The following UNC5D variants were observed in gnomAD, a reference collection of about 807,000 sequenced individuals.
UNC5D encodes the protein netrin receptor UNC5D.
UNC5D carries 39 observed loss-of-function variants against 105.4 expected under a neutral mutation model. That is an observed-to-expected ratio of 0.37 (90% CI 0.29 to 0.48). The LOEUF is 0.48. Among genes scored for constraint, UNC5D ranks in the 20% least tolerant of loss-of-function variants. The pLI is 0.98. For missense variants in UNC5D, 991 were observed against 1,202.4 expected, an observed-to-expected ratio of 0.82 and a Z score of 2.60; for synonymous variants, 452 against 450.4, an observed-to-expected ratio of 1.00 and a Z score of -0.04.
intron 1 of UNC5D, among the ~76,000 whole-genome samples, chr8:35,295,433 A>G (rs1807411017): frequency 6.6e-6 from 1 of 152,202 alleles, no homozygotes. Flanking sequence ...ATTTTTTGAA[A>G]AACATCTGCA....
chr8:35,593,450 ATAAC>A (rs558056070), intron 3 of UNC5D, among the ~76,000 whole-genome samples: 1 of 152,184 alleles, frequency 6.6e-6, no homozygotes, highest in Non-Finnish European at 1.5e-5. Flanking sequence ...GAAAACAAAA[ATAAC>A]AAACAAACCA....
At chr8:35,352,570 T>C (rs982831512) in intron 1 of UNC5D, among the ~76,000 whole-genome samples, 2 of 152,100 alleles carry the variant, frequency 1.3e-5, no homozygotes, top group African/African-American at 4.8e-5. Context: ...GAAGACATCT[T>C]TGTTCTGTAA....
intron 1 of UNC5D, among the ~76,000 whole-genome samples, chr8:35,400,895 A>G (rs1263085164): frequency 6.6e-6 from 1 of 152,152 alleles, no homozygotes; most frequent in Non-Finnish European, 1.5e-5. Context: ...GCACGTGTAC[A>G]GTGGAGGGGG....
intron 12 of UNC5D, among the ~76,000 whole-genome samples, chr8:35,749,626 G>A (rs753590605): frequency 1.3e-5 from 2 of 152,106 alleles, no homozygotes; most frequent in Non-Finnish European, 2.9e-5. Flanking sequence ...TATTTAGTGC[G>A]TTTTAGTGCA....
chr8:35,452,453 A>G (rs1173549900), intron 1 of UNC5D, among the ~76,000 whole-genome samples: 1 of 152,028 alleles, frequency 6.6e-6, no homozygotes. Flanking sequence ...TTTAGTAGGG[A>G]CAGGGTTTCA....
chr8:35,545,635 C>T (rs1053701892), intron 1 of UNC5D, among the ~76,000 whole-genome samples: 8 of 151,528 alleles, frequency 5.3e-5, no homozygotes, highest in African/African-American at 1.9e-4. Flanking sequence ...ACTCCCAGCA[C>T]TTCGCTATAC....
intron 1 of UNC5D, among the ~76,000 whole-genome samples, chr8:35,308,112 ATGTATGTGTGTG>A (rs57333776): frequency 0.37 from 55,033 of 147,678 alleles, 10,501 homozygotes; most frequent in East Asian, 0.69. Flanking sequence ...CTATGTCACA[ATGTATGTGTGTG>A]TGTGTGTGTG....
intron 1 of UNC5D, among the ~76,000 whole-genome samples, chr8:35,272,537 A>T (rs1805483680): frequency 6.6e-6 from 1 of 152,150 alleles, no homozygotes; most frequent in Non-Finnish European, 1.5e-5. Flanking sequence ...GGACTTGAAC[A>T]CTGCTCTGCC....
intron 3 of UNC5D, among the ~76,000 whole-genome samples, chr8:35,572,947 G>T (rs1343001343): frequency 2.0e-5 from 3 of 151,960 alleles, no homozygotes; most frequent in Non-Finnish European, 4.4e-5. Context: ...GGGACTACAG[G>T]CGCCCGCCAC....
chr8:35,758,186 C>T (rs1227850074), intron 13 of UNC5D, among the ~76,000 whole-genome samples: 2 of 152,162 alleles, frequency 1.3e-5, no homozygotes, highest in African/African-American at 4.8e-5. Flanking sequence ...TTTATGTGTA[C>T]GTGAAGGATA....
intron 1 of UNC5D, among the ~76,000 whole-genome samples, chr8:35,460,753 T>G (rs1012091216): frequency 1.3e-5 from 2 of 152,188 alleles, no homozygotes; most frequent in Non-Finnish European, 2.9e-5. Flanking sequence ...CTGGTTTTTT[T>G]GTTTGTTTGT....
chr8:35,730,861 A>T (rs1001405213), intron 10 of UNC5D, 151 bp from the exon 11 acceptor site: 2 of 630,088 alleles, frequency 3.2e-6, no homozygotes, highest in Non-Finnish European at 5.5e-6. Context: ...TCCTGTTATA[A>T]TCTTGAACCT....
chr8:35,684,012 T>C (rs1825845715), intron 5 of UNC5D, among the ~76,000 whole-genome samples: 1 of 152,222 alleles, frequency 6.6e-6, no homozygotes, highest in African/African-American at 2.4e-5. Context: ...ATTATGTTTA[T>C]ATTTGAAAAG....
rs139519907 is a variant in UNC5D at position 35,326,174 on chromosome 8, C to T, written c.103+90287C>T. Among the ~76,000 whole-genome samples the T allele has an allele frequency of 2.1e-3, 315 of 152,238 alleles. 3 individuals are homozygous for T. Among genetic ancestry groups the T allele is most frequent in the African/African-American group, 7.2e-3 (298 of 41,528 alleles). On this transcript the variant is annotated intron_variant, in intron 1 of 16. Coordinates refer to ENST00000404895, the MANE Select transcript of UNC5D (RefSeq NM_080872.4). ...CATTATGGAGTTATTCAGGCCTAAG[C>T]GGGCTGTCCCCTTGACTGGAATGTT...
At chr8:35,639,786 C>G (rs1822598582) in intron 4 of UNC5D, among the ~76,000 whole-genome samples, 1 of 152,118 alleles carries the variant, frequency 6.6e-6, no homozygotes, top group South Asian at 2.1e-4. Context: ...GCTGTGTCAT[C>G]CAGGCTGAAG....
At chr8:35,267,430 A>G (rs1804960084) in intron 1 of UNC5D, among the ~76,000 whole-genome samples, 1 of 152,000 alleles carries the variant, frequency 6.6e-6, no homozygotes, top group Non-Finnish European at 1.5e-5. Context: ...AGTGACCATG[A>G]ATATTTGTTG....
chr8:35,422,521 C>T (rs765611129), intron 1 of UNC5D, among the ~76,000 whole-genome samples: 2 of 152,228 alleles, frequency 1.3e-5, no homozygotes, highest in Non-Finnish European at 2.9e-5. Context: ...AGAATTGCCT[C>T]TGCAATACAA....
intron 16 of UNC5D, among the ~76,000 whole-genome samples, chr8:35,777,736 G>A (rs567079002): frequency 6.6e-6 from 1 of 152,240 alleles, no homozygotes; most frequent in Admixed American, 6.5e-5. Flanking sequence ...AATAGACAAC[G>A]ACCCCTATTT....
chr8:35,548,515 T>G (rs963063049), intron 1 of UNC5D, among the ~76,000 whole-genome samples: 8 of 152,156 alleles, frequency 5.3e-5, no homozygotes, highest in African/African-American at 1.7e-4. Flanking sequence ...GGAAGTACAG[T>G]TTTCCCTCCT....
Sources: gnomAD v4.1 joint callset for allele counts (sites outside exome capture counted in the v4.1 genomes callset) on GRCh38, gnomAD v4.1.1 for gene constraint, MANE v1.5 for transcripts, NCBI Gene and HGNC (gene_info 2026-07-23, HGNC 2026-07-21) for gene names.